GRM5: variants seen among roughly 807,000 people sequenced by gnomAD.
GRM5 encodes glutamate metabotropic receptor 5, also known as metabotropic glutamate receptor 5.
Under a neutral mutation model 83.1 loss-of-function variants are expected in GRM5, and 19 were observed. That is an observed-to-expected ratio of 0.23 (90% CI 0.16 to 0.34). The LOEUF (loss-of-function observed/expected upper bound fraction) is 0.34, where lower values mean the gene tolerates loss of function less well. Among genes scored for constraint, GRM5 ranks in the 10% least tolerant of loss-of-function variants. GRM5 has a pLI of 1.00. For missense variants in GRM5, 1,160 were observed against 1,588.3 expected (o/e 0.73, Z 4.58); for synonymous variants, 675 against 633.6 (o/e 1.07, Z -0.98).
chr11:88,717,543 G>T (rs1166046330), intron 3 of GRM5, among the ~76,000 whole-genome samples: 1 of 151,566 alleles, frequency 6.6e-6, no homozygotes, highest in Non-Finnish European at 1.5e-5. Flanking sequence ...TTAATGCAAG[G>T]CCTAATTTGG....
intron 3 of GRM5, among the ~76,000 whole-genome samples, chr11:88,701,666 A>G (rs1346682186): frequency 1.3e-5 from 2 of 152,176 alleles, no homozygotes; most frequent in East Asian, 3.8e-4. Context: ...AAAGTCATAA[A>G]TCGATACATG....
intron 3 of GRM5, among the ~76,000 whole-genome samples, chr11:88,837,200 A>G (rs1016298562): frequency 2.0e-5 from 3 of 152,190 alleles, no homozygotes; most frequent in Non-Finnish European, 4.4e-5. Flanking sequence ...AAAACATATT[A>G]TCTTATACTG....
intron 3 of GRM5, among the ~76,000 whole-genome samples, chr11:88,668,548 C>T (rs543150587): frequency 4.5e-4 from 68 of 151,970 alleles, no homozygotes; most frequent in South Asian, 1.0e-3. Flanking sequence ...AATGAAAAAT[C>T]TCAAATAACA....
intron 2 of GRM5, among the ~76,000 whole-genome samples, chr11:88,978,321 G>C (rs1364806969): frequency 6.6e-6 from 1 of 151,928 alleles, no homozygotes; most frequent in Non-Finnish European, 1.5e-5. Context: ...ATGGTTTCAT[G>C]GGTGTATATT....
At chr11:88,635,731 G>T (rs1187366971) in intron 4 of GRM5, among the ~76,000 whole-genome samples, 2 of 151,906 alleles carry the variant, frequency 1.3e-5, no homozygotes, top group Non-Finnish European at 2.9e-5. Flanking sequence ...TATGCATTTG[G>T]GGTCATACCC....
rs536454751 is a variant in GRM5 at position 88,992,781 on chromosome 11, A to C, written c.661+54431T>G. Reference sequence around the variant, plus strand: ...CTATCGCAAGGACAAAAAACCAAGCACCACGTGTTCTCACTCATAGGTGTG... The same window carrying C: ...CTATCGCAAGGACAAAAAACCAAGCCCCACGTGTTCTCACTCATAGGTGTG... On this transcript the variant is annotated intron_variant, in intron 2 of 9. Transcript: ENST00000305447. 2.0e-3 allele frequency among the ~76,000 whole-genome samples: 303 copies of C among 149,850 alleles called. 3 individuals carry two copies. Among genetic ancestry groups the C allele is most frequent in the African/African-American group, 7.2e-3 (294 of 40,774 alleles).
At chr11:88,759,766 G>A (rs978258982) in intron 3 of GRM5, among the ~76,000 whole-genome samples, 1 of 151,916 alleles carries the variant, frequency 6.6e-6, no homozygotes, top group African/African-American at 2.4e-5. Flanking sequence ...CAAAACAAAG[G>A]AATATATATT....
chr11:88,997,543 A>C (rs1940227913), intron 2 of GRM5, among the ~76,000 whole-genome samples: 1 of 152,074 alleles, frequency 6.6e-6, no homozygotes, highest in African/African-American at 2.4e-5. Context: ...TCCTCTAAGA[A>C]GACTGAAAAA....
chr11:88,659,017 T>C (rs772766715), intron 3 of GRM5, among the ~76,000 whole-genome samples: 7 of 152,040 alleles, frequency 4.6e-5, no homozygotes, highest in Non-Finnish European at 8.8e-5. Flanking sequence ...GAGATGAAGG[T>C]TAGGGAATCA....
At chr11:88,771,430 G>C (rs1261106213) in intron 3 of GRM5, among the ~76,000 whole-genome samples, 1 of 152,132 alleles carries the variant, frequency 6.6e-6, no homozygotes, top group Non-Finnish European at 1.5e-5. Context: ...CAACCCACTG[G>C]TGTAAGTGCA....
chr11:88,671,632 T>G (rs184692227), intron 3 of GRM5, among the ~76,000 whole-genome samples: 35 of 152,098 alleles, frequency 2.3e-4, no homozygotes, highest in Non-Finnish European at 3.1e-4. Context: ...AAATGAATAA[T>G]ATAATAAACA....
chr11:88,933,578 T>C (rs1398351375), intron 2 of GRM5, among the ~76,000 whole-genome samples: 1 of 151,870 alleles, frequency 6.6e-6, no homozygotes, highest in Non-Finnish European at 1.5e-5. Flanking sequence ...TCACTCCATG[T>C]CACATATTCA....
At chr11:88,652,133 T>C (rs1350810669) in intron 4 of GRM5, among the ~76,000 whole-genome samples, 1 of 152,094 alleles carries the variant, frequency 6.6e-6, no homozygotes, top group Non-Finnish European at 1.5e-5. Context: ...CAAAAACTTA[T>C]CAGAGCAAGT....
At chr11:88,675,565 C>A (rs541966832) in intron 3 of GRM5, among the ~76,000 whole-genome samples, 10 of 151,816 alleles carry the variant, frequency 6.6e-5, no homozygotes, top group Non-Finnish European at 1.3e-4. Context: ...CTTAGAACAA[C>A]CCGAAGCTAT....
intron 3 of GRM5, among the ~76,000 whole-genome samples, chr11:88,798,825 A>AAAAAAAAAAAAAAAC (rs777932007): frequency 2.1e-5 from 3 of 145,306 alleles, no homozygotes; most frequent in East Asian, 2.1e-4. Flanking sequence ...AAAAAAAAAA[A>AAAAAAAAAAAAAAAC]AACAACAACA....
chr11:88,894,172 C>T (rs1022556791), intron 2 of GRM5, among the ~76,000 whole-genome samples: 7 of 152,052 alleles, frequency 4.6e-5, no homozygotes, highest in African/African-American at 1.7e-4. Flanking sequence ...TGCATAATAA[C>T]ATTAGGGTGG....
intron 9 of GRM5, chr11:88,512,455 T>A (rs1034364526): frequency 2.3e-4 from 35 of 154,366 alleles, no homozygotes; most frequent in Admixed American, 5.9e-4. Context: ...CACGACATTA[T>A]TCTGTTTATT....
chr11:88,998,016 C>CAA (rs150943812), intron 2 of GRM5, among the ~76,000 whole-genome samples: 27 of 135,672 alleles, frequency 2.0e-4, no homozygotes, highest in African/African-American at 7.1e-4. Flanking sequence ...AAACTAATAA[C>CAA]AAAAAAAAAT....
At chr11:88,588,239 G>A (rs2133395) in intron 7 of GRM5, among the ~76,000 whole-genome samples, 70,518 of 152,058 alleles carry the variant, frequency 0.46, 20,358 homozygotes, top group African/African-American at 0.83. Flanking sequence ...AGTACACTTT[G>A]ATTTGTTATT....
Sources: allele counts gnomAD v4.1 joint callset (sites outside exome capture counted in the v4.1 genomes callset), GRCh38; gene constraint gnomAD v4.1.1; transcripts MANE v1.5; gene names NCBI Gene and HGNC (gene_info 2026-07-23, HGNC 2026-07-21).